The following ABCB1 variants were observed in gnomAD, a reference collection of about 807,000 sequenced individuals.
ABCB1 encodes the protein ATP binding cassette subfamily B member 1.
ABCB1 carries 69 observed loss-of-function variants against 142.0 expected under a neutral mutation model. The ratio of observed to expected loss-of-function variants is 0.49; its 90% confidence interval spans 0.40 to 0.59. The LOEUF is 0.59. Among genes scored for constraint, ABCB1 ranks in the 20% least tolerant of loss-of-function variants. The pLI is 0.00. For missense variants in ABCB1, 1,326 were observed against 1,554.7 expected (o/e 0.85, Z 2.47); for synonymous variants, 532 against 539.2 (o/e 0.99, Z 0.18).
At chr7:87,709,522 T>C in intron 1 of ABCB1, 1 of 985,306 alleles carries the variant, frequency 1.0e-6, no homozygotes, top group Non-Finnish European at 1.2e-6. Context: ...GTAAATTGAC[T>C]CGCATGCTAA....
intron 8 of ABCB1, among the ~76,000 whole-genome samples, chr7:87,558,659 G>GT (rs1216790262): frequency 1.3e-5 from 2 of 151,848 alleles, no homozygotes; most frequent in Non-Finnish European, 2.9e-5. Flanking sequence ...AGACAAAATA[G>GT]TATGTATTTA....
chr7:87,712,772 TAC>T (rs529168199), intron 1 of ABCB1, among the ~76,000 whole-genome samples: 125 of 152,136 alleles, frequency 8.2e-4, no homozygotes, highest in African/African-American at 3.0e-3. Context: ...TACATAAACA[TAC>T]AGTCTTCAAA....
intron 1 of ABCB1, among the ~76,000 whole-genome samples, chr7:87,635,614 T>C (rs75974753): frequency 0.048 from 7,348 of 152,248 alleles, 263 homozygotes; most frequent in East Asian, 0.09. Context: ...ATTCTTTTAA[T>C]ATAAATTTTT....
At chr7:87,516,062 A>G (rs1265563270) in intron 24 of ABCB1, among the ~76,000 whole-genome samples, 1 of 152,198 alleles carries the variant, frequency 6.6e-6, no homozygotes, top group African/African-American at 2.4e-5. Flanking sequence ...CCTGGGCAAC[A>G]TAACGAGACC....
At chr7:87,698,282 A>G (rs192961912) in intron 1 of ABCB1, among the ~76,000 whole-genome samples, 1 of 152,116 alleles carries the variant, frequency 6.6e-6, no homozygotes, top group Non-Finnish European at 1.5e-5. Flanking sequence ...TTGCACTTTT[A>G]GTAGAGAGGG....
intron 1 of ABCB1, among the ~76,000 whole-genome samples, chr7:87,683,427 G>A (rs977264273): frequency 1.3e-5 from 2 of 152,102 alleles, no homozygotes; most frequent in East Asian, 1.9e-4. Context: ...AAGATTAATC[G>A]TGTACAGCTT....
intron 5 of ABCB1, among the ~76,000 whole-genome samples, chr7:87,567,722 G>C (rs946720442): frequency 1.3e-5 from 2 of 152,110 alleles, no homozygotes; most frequent in South Asian, 2.1e-4. Context: ...AAAAACACGA[G>C]TATTGTCTTA....
At chr7:87,505,782 A>G (rs1814706597) in intron 27 of ABCB1, 115 bp downstream of exon 27, 1 of 1,265,140 alleles carries the variant, frequency 7.9e-7, no homozygotes, top group Non-Finnish European at 1.1e-6. Flanking sequence ...TTTTACTGAA[A>G]GGTGATGTAA....
chr7:87,673,701 T>C (rs1171322585), intron 1 of ABCB1, among the ~76,000 whole-genome samples: 1 of 152,228 alleles, frequency 6.6e-6, no homozygotes, highest in African/African-American at 2.4e-5. Context: ...TTCTGAATTC[T>C]ATGTCACTCA....
chr7:87,657,516 C>T (rs143014529), intron 1 of ABCB1, among the ~76,000 whole-genome samples: 2,058 of 152,284 alleles, frequency 0.014, 32 homozygotes, highest in Non-Finnish European at 0.02. Context: ...AGGGTTGTAT[C>T]AGAGAAGGCC....
At chr7:87,626,135 A>G (rs190014025) in intron 1 of ABCB1, among the ~76,000 whole-genome samples, 6 of 133,264 alleles carry the variant, frequency 4.5e-5, no homozygotes, top group African/African-American at 1.3e-4. Context: ...TGTCATATAT[A>G]TGTGTCATAT....
intron 1 of ABCB1, among the ~76,000 whole-genome samples, chr7:87,701,651 G>T (rs1829045682): frequency 6.6e-6 from 1 of 151,908 alleles, no homozygotes; most frequent in South Asian, 2.1e-4. Context: ...CATTTAGTGA[G>T]TTTTGATCTA....
At chr7:87,628,965 G>T (rs1272376030) in intron 1 of ABCB1, 14 of 1,307,974 alleles carry the variant, frequency 1.1e-5, no homozygotes, top group Non-Finnish European at 1.4e-5. Flanking sequence ...CGCAGGGCGA[G>T]GGGAACCAGC....
chr7:87,627,100 A>G (rs894454905), intron 1 of ABCB1, among the ~76,000 whole-genome samples: 1 of 152,146 alleles, frequency 6.6e-6, no homozygotes, highest in African/African-American at 2.4e-5. Flanking sequence ...ACTAAACAGA[A>G]TAGTAGAATA....
At chr7:87,591,126 G>A (rs1045424905) in intron 3 of ABCB1, among the ~76,000 whole-genome samples, 1 of 152,152 alleles carries the variant, frequency 6.6e-6, no homozygotes, top group Admixed American at 6.5e-5. Context: ...GGAGGAGGGG[G>A]CCTGGAGTCA....
At chr7:87,698,334 T>TCC (rs1828689614) in intron 1 of ABCB1, among the ~76,000 whole-genome samples, 1 of 152,064 alleles carries the variant, frequency 6.6e-6, no homozygotes, top group Non-Finnish European at 1.5e-5. Context: ...GACCACATGA[T>TCC]CCTCCCACCT....
At chr7:87,681,496 G>T (rs183054505) in intron 1 of ABCB1, among the ~76,000 whole-genome samples, 1 of 150,664 alleles carries the variant, frequency 6.6e-6, no homozygotes, top group Non-Finnish European at 1.5e-5. Context: ...ATTAAAAGTT[G>T]TATTTACACT....
intron 22 of ABCB1, 67 bp from the exon 23 acceptor site, chr7:87,519,533 T>A (rs1815400246): frequency 3.7e-6 from 6 of 1,604,422 alleles, no homozygotes; most frequent in African/African-American, 1.3e-5. Flanking sequence ...TAACTTTTGA[T>A]AGGTTGGCAG....
In ABCB1 at chr7:87,691,823, T is replaced by C. The variant is rs115083406; in HGVS notation, c.-331+21338A>G. The stretch of plus-strand genomic sequence containing the variant: ...CATCAGTCAGGTCCTGCCTATCTCC[T>C]AAGGAGTAGGTCAGCTTGAAGTGAC... On this transcript the variant is annotated intron_variant, in intron 1 of 28. Transcript: ENST00000265724. Among the ~76,000 whole-genome samples, 496 of 152,318 alleles carry C rather than the reference T, an allele frequency of 3.3e-3. 3 individuals carry two copies. Among genetic ancestry groups the C allele is most frequent in the African/African-American group, 0.012 (486 of 41,556 alleles).
Sources: allele counts gnomAD v4.1 joint callset (sites outside exome capture counted in the v4.1 genomes callset), GRCh38; gene constraint gnomAD v4.1.1; transcripts MANE v1.5; gene names NCBI Gene and HGNC (gene_info 2026-07-23, HGNC 2026-07-21).